The following TRMT9B variants were observed in gnomAD, a reference collection of about 807,000 sequenced individuals.
TRMT9B encodes probable tRNA methyltransferase 9B.
A neutral mutation model predicts 11.5 loss-of-function variants in TRMT9B; 16 were observed. The observed-to-expected ratio is 1.39, with a 90% confidence interval of 0.94 to 2.11. The LOEUF is 2.11. Among genes scored for constraint, TRMT9B ranks in the 30% most tolerant of loss-of-function variants. The pLI is 0.00. For synonymous variants in TRMT9B, 274 were observed against 192.4 expected (o/e 1.42, Z -3.51); for missense variants, 941 against 553.8 (o/e 1.70, Z -7.02).
At chr8:12,954,200 C>CA (rs1402616063) in intron 1 of TRMT9B, among the ~76,000 whole-genome samples, 1 of 152,192 alleles carries the variant, frequency 6.6e-6, no homozygotes, top group East Asian at 1.9e-4. Flanking sequence ...GTATCTCTGA[C>CA]AGCGAAATCT....
At chr8:12,980,868 G>A (rs2128873029) in intron 1 of TRMT9B, among the ~76,000 whole-genome samples, 1 of 152,334 alleles carries the variant, frequency 6.6e-6, no homozygotes, top group Admixed American at 6.5e-5. Context: ...TGGAAGAGCA[G>A]TGGCACTAGA....
intron 1 of TRMT9B, among the ~76,000 whole-genome samples, chr8:12,971,050 G>T (rs1373000662): frequency 6.6e-6 from 1 of 152,136 alleles, no homozygotes; most frequent in Non-Finnish European, 1.5e-5. Context: ...TTTGACACAT[G>T]TATACAATAT....
Position 13,021,586 on chromosome 8 carries a change from A to G in TRMT9B, c.907A>G (p.Lys303Glu). ...TGATCACCAAGAGCCATTTTCAACA[A>G]AAGGGCAAAGTTTAGATGAGGAAGT... ...DFDHQEPFST[K>E]GQSLDEEVFV... The change falls in exon 5 of 5, where the codon AAA becomes GAA. Residue 303 changes from lysine (K) to glutamate (E), a missense_variant. By Grantham distance (56) the Lys-to-Glu change is moderately conservative. Transcript: ENST00000524591. The G allele has an allele frequency of 6.2e-7, 1 of 1,613,942 alleles. No homozygotes were observed. Among genetic ancestry groups the G allele is most frequent in the Non-Finnish European group, 8.5e-7 (1 of 1,179,862 alleles).
chr8:12,988,357 A>C (rs945511060), intron 1 of TRMT9B, among the ~76,000 whole-genome samples: 5 of 152,214 alleles, frequency 3.3e-5, no homozygotes, highest in African/African-American at 1.2e-4. Context: ...ATGATAATTA[A>C]TAATTTGCAA....
intron 1 of TRMT9B, among the ~76,000 whole-genome samples, chr8:12,954,453 G>A (rs1052843354): frequency 1.3e-5 from 2 of 152,310 alleles, no homozygotes; most frequent in East Asian, 3.9e-4. Flanking sequence ...GCAATTAAAT[G>A]CCTGTTTACT....
At position 13,026,494 on chromosome 8, in the gene TRMT9B, C is replaced by G. The variant is rs1037494126; in HGVS notation, c.*4450C>G. ...GTTGTGCGGCTGGGGCCTCACTTCC[C>G]CTCCTTCCCCTTCTCCTGGTCCCCT... is the stretch of plus-strand genomic sequence containing the variant. On this transcript the variant is annotated 3_prime_UTR_variant, in exon 5 of 5. Transcript: ENST00000524591. The G allele has an allele frequency of 1.8e-5, 3 of 166,888 alleles. No individual in the cohort carries two copies. The highest frequency in any genetic ancestry group is 2.9e-5 in the Non-Finnish European group (2 of 68,150). The allele number at this position is 166,888 out of a possible 1,614,324, so 10.3% of individuals were successfully genotyped here.
At chr8:13,014,355 A>G (rs1344028168) in intron 4 of TRMT9B, among the ~76,000 whole-genome samples, 1 of 152,178 alleles carries the variant, frequency 6.6e-6, no homozygotes, top group African/African-American at 2.4e-5. Context: ...TGGAGGCTGG[A>G]CATCTGAGAT....
At chr8:12,959,460 T>C (rs1801755772) in intron 1 of TRMT9B, among the ~76,000 whole-genome samples, 1 of 150,976 alleles carries the variant, frequency 6.6e-6, no homozygotes, top group African/African-American at 2.4e-5. Flanking sequence ...ACACTTCTGG[T>C]CCCAAGCATT....
intron 1 of TRMT9B, among the ~76,000 whole-genome samples, chr8:12,946,720 G>C (rs945096640): frequency 1.3e-5 from 2 of 152,190 alleles, no homozygotes; most frequent in African/African-American, 4.8e-5. Flanking sequence ...AGAGAGAAAA[G>C]CAGAGGACCA....
chr8:12,975,185 T>G (rs980535482), intron 1 of TRMT9B, among the ~76,000 whole-genome samples: 5 of 152,088 alleles, frequency 3.3e-5, no homozygotes, highest in Non-Finnish European at 5.9e-5. Flanking sequence ...GAAGTACAGA[T>G]AGTTCATCCT....
In TRMT9B at chr8:13,012,757, G is replaced by C; in HGVS notation, c.228G>C (p.Leu76=). Residue 76 remains leucine, a synonymous_variant, in exon 4 of 5, where the codon CTG becomes CTC. Coordinates refer to ENST00000524591, the MANE Select transcript of TRMT9B (RefSeq NM_020844.3). The part of the protein sequence containing the change: ...HTVGCDYCGP[L]VEIARNRGCE... ...TGGGCTGTGACTACTGTGGGCCACT[G>C]GTAGAGATTGCCCGGAATAGAGGAT... 6.2e-7 allele frequency: 1 copy of C among 1,613,976 alleles called. No individual in the cohort carries two copies. The highest frequency in any genetic ancestry group is 8.5e-7 in the Non-Finnish European group (1 of 1,179,888).
chr8:13,002,815 C>G (rs931433592), intron 2 of TRMT9B, among the ~76,000 whole-genome samples: 5 of 152,104 alleles, frequency 3.3e-5, no homozygotes, highest in Non-Finnish European at 5.9e-5. Context: ...CCGTCTTACC[C>G]AAGTACTTCC....
intron 1 of TRMT9B, among the ~76,000 whole-genome samples, chr8:12,970,568 C>T (rs547072398): frequency 6.6e-6 from 1 of 152,294 alleles, no homozygotes; most frequent in Non-Finnish European, 1.5e-5. Context: ...AGAGATGAGC[C>T]GGCTGTGCTG....
At chr8:13,012,243 C>G (rs930805019) in intron 3 of TRMT9B, 42 of 985,312 alleles carry the variant, frequency 4.3e-5, no homozygotes, top group East Asian at 2.3e-4. Flanking sequence ...TTGTGAATAC[C>G]TTCACACCAT....
chr8:12,988,581 C>CGCCG (rs1806747977), intron 1 of TRMT9B, among the ~76,000 whole-genome samples: 2 of 152,074 alleles, frequency 1.3e-5, no homozygotes, highest in East Asian at 1.9e-4. Flanking sequence ...CACATGGCGG[C>CGCCG]AGCAAGGAGA....
chr8:12,984,181 A>T (rs910698663), intron 1 of TRMT9B, among the ~76,000 whole-genome samples: 1 of 152,228 alleles, frequency 6.6e-6, no homozygotes, highest in Non-Finnish European at 1.5e-5. Context: ...TATATAAGGT[A>T]TTATGAAACA....
intron 3 of TRMT9B, chr8:13,007,738 G>T (rs1810749176): frequency 6.6e-6 from 1 of 152,072 alleles, no homozygotes; most frequent in Admixed American, 6.6e-5. Flanking sequence ...AAATCAGTGG[G>T]GGAAAGGAAC....
At chr8:12,995,900 C>G (rs1469743928) in intron 2 of TRMT9B, among the ~76,000 whole-genome samples, 1 of 152,142 alleles carries the variant, frequency 6.6e-6, no homozygotes, top group Non-Finnish European at 1.5e-5. Context: ...AAACAGTAGA[C>G]TAAATATCAC....
chr8:12,960,610 G>C, intron 1 of TRMT9B: 1 of 152,058 alleles, frequency 6.6e-6, no homozygotes, highest in East Asian at 1.9e-4. Flanking sequence ...TCCTTACAAT[G>C]GAATATTATT....
Sources: allele counts gnomAD v4.1 joint callset (sites outside exome capture counted in the v4.1 genomes callset), GRCh38; gene constraint gnomAD v4.1.1; transcripts MANE v1.5; gene names NCBI Gene and HGNC (gene_info 2026-07-23, HGNC 2026-07-21).